The following HSPG2 variants were observed in gnomAD, a reference collection of about 807,000 sequenced individuals.
HSPG2 encodes the protein basement membrane-specific heparan sulfate proteoglycan core protein.
Under a neutral mutation model 526.6 loss-of-function variants are expected in HSPG2, and 278 were observed. That is an observed-to-expected ratio of 0.53 (90% CI 0.48 to 0.58). The LOEUF (loss-of-function observed/expected upper bound fraction) is 0.58. Among genes scored for constraint, HSPG2 ranks in the 20% least tolerant of loss-of-function variants. The probability of loss-of-function intolerance (pLI) is 0.00; values close to 1 mark genes in which losing one functional copy is unlikely to be tolerated. For synonymous variants in HSPG2, 2,465 were observed against 2,555.4 expected, an observed-to-expected ratio of 0.96 and a Z score of 1.07; for missense variants, 5,354 against 6,099.5, an observed-to-expected ratio of 0.88 and a Z score of 4.07.
chr1:21,884,235 A>G (rs1421924981), intron 13 of HSPG2, among the ~76,000 whole-genome samples: 2 of 152,084 alleles, frequency 1.3e-5, no homozygotes, highest in Non-Finnish European at 2.9e-5. Context: ...GGGTAACTTG[A>G]CCCAGGACAC....
In HSPG2 at chr1:21,872,171, T is replaced by C. The variant is rs2152744316; in HGVS notation, c.4221+15A>G. The C allele has an allele frequency of 6.4e-7, 1 of 1,551,540 alleles. No homozygotes were observed. Among genetic ancestry groups the C allele is most frequent in the Non-Finnish European group, 8.7e-7 (1 of 1,146,948 alleles). The stretch of plus-strand genomic sequence containing the variant: ...TCTGAGTCACGGCTGACCCTGGTGC[T>C]TGGCTGGGGCCCACCTTGTCTCCCT... On this transcript the variant is annotated intron_variant, in intron 33 of 96. Transcript: ENST00000374695. This position sits in a 1 kb window ranked among gnomAD's most constrained non-coding sequence, Gnocchi z 5.5.
intron 39 of HSPG2, among the ~76,000 whole-genome samples, chr1:21,861,096 T>G (rs926141211): frequency 1.3e-5 from 2 of 152,216 alleles, no homozygotes; most frequent in African/African-American, 4.8e-5. Context: ...CACAATTACT[T>G]TTTCCCTGTC....
intron 13 of HSPG2, among the ~76,000 whole-genome samples, chr1:21,884,163 A>G (rs1372688257): frequency 6.6e-6 from 1 of 152,010 alleles, no homozygotes; most frequent in Middle Eastern, 3.2e-3. Flanking sequence ...ACCAACCCCT[A>G]GGAGGTAGTT....
intron 25 of HSPG2, 150 bp from the exon 26 acceptor site, chr1:21,875,152 A>T (rs973628098): frequency 1.0e-5 from 7 of 682,270 alleles, no homozygotes; most frequent in African/African-American, 5.3e-5. Context: ...GGCTGCGAGG[A>T]CCGTGGCAAA....
At chr1:21,919,425 C>CA (rs36109631) in intron 1 of HSPG2, among the ~76,000 whole-genome samples, 63,602 of 118,688 alleles carry the variant, frequency 0.54, 16,786 homozygotes, top group Middle Eastern at 0.64. Flanking sequence ...GACCCTGTCT[C>CA]AAAAAAAAAA....
rs753271091 is a variant in HSPG2 at position 21,898,280 on chromosome 1, T to C, written c.64-1970A>G. On this transcript the variant is annotated intron_variant, in intron 1 of 96. Transcript: ENST00000374695. This position sits in a 1 kb window ranked among gnomAD's most constrained non-coding sequence, Gnocchi z 4.0. ...CGGTGCTCTCAGACCTTGGGGAAGG[T>C]CTGAGTTGTCCACATCTTATTCCTG... Among the ~76,000 whole-genome samples the C allele has an allele frequency of 1.1e-4, 17 of 152,060 alleles. No individual in the cohort carries two copies. Among genetic ancestry groups the C allele is most frequent in the Non-Finnish European group, 2.4e-4 (16 of 68,010 alleles).
At position 21,823,347 on chromosome 1, in the gene HSPG2, GCCTGGGC is replaced by G; in HGVS notation, c.13138_13144del (p.Ala4380ProfsTer34). 6.5e-7 allele frequency: 1 copy of G among 1,543,508 alleles called. No homozygotes were observed. Among genetic ancestry groups the G allele is most frequent in the Non-Finnish European group, 8.7e-7 (1 of 1,148,012 alleles). ...GGGGCAGGGGCGTGTGTTGGCCCCG[GCCTGGGC>G]GCGGTGCTGCAGGTCCAGGGGCTGT... On this transcript the variant is annotated frameshift_variant, in exon 97 of 97. Coordinates refer to ENST00000374695, the MANE Select transcript of HSPG2 (RefSeq NM_005529.7). LOFTEE classifies it high-confidence loss of function.
rs773122388 is a variant in HSPG2, at chr1:21,833,305, G to A, written c.11058C>T (p.Phe3686=). 1.1e-5 allele frequency: 17 copies of A among 1,614,004 alleles called. No individual in the cohort carries two copies. In the East Asian group the frequency reaches 2.2e-4, roughly 21 times the overall value. ...LPTIKDAYRK[F]EIKITFRPDS... ...CGGGCCGGAAGGTGATCTTGATCTC[G>A]AACTTCCTGTAGGCATCCTTGATGG... The change falls in exon 80 of 97, where the codon TTC becomes TTT. Residue 3686 remains phenylalanine, a synonymous_variant. Coordinates refer to ENST00000374695, the MANE Select transcript of HSPG2 (RefSeq NM_005529.7).
At chr1:21,856,962 T>C in intron 44 of HSPG2, 53 bp downstream of exon 44, 1 of 1,550,332 alleles carries the variant, frequency 6.5e-7, no homozygotes, top group Non-Finnish European at 8.9e-7. Flanking sequence ...CTAATTCTGG[T>C]GGGAATGGGG....
rs1191872251 is a variant in HSPG2, at chr1:21,855,353, G to C, written c.5948C>G (p.Pro1983Arg). 6.2e-7 allele frequency: 1 copy of C among 1,610,930 alleles called. No homozygotes were observed. The highest frequency in any genetic ancestry group is 1.8e-4 in the Middle Eastern group (1 of 5,644). Residue 1983 changes from proline to arginine, a missense_variant, in exon 47 of 97, where the codon CCT becomes CGT. Physicochemically the swap from Pro to Arg is moderately radical, Grantham distance 103. Coordinates refer to ENST00000374695, the MANE Select transcript of HSPG2 (RefSeq NM_005529.7). ...VRLYCRAAGV[P>R]SATITWRKEG... ...CTTCCTCCAGGTGATGGTGGCGCTA[G>C]GCACGCCTGCAGCCCTGCAGTACAG...
At chr1:21,929,768 T>G (rs1210832890) in intron 1 of HSPG2, among the ~76,000 whole-genome samples, 2 of 152,092 alleles carry the variant, frequency 1.3e-5, no homozygotes, top group Non-Finnish European at 2.9e-5. Context: ...TGTGGAGGCA[T>G]CCCGGACTCT....
chr1:21,840,073 A>C, intron 71 of HSPG2, 56 bp from the exon 72 acceptor site: 1 of 1,479,800 alleles, frequency 6.8e-7, no homozygotes, highest in Admixed American at 1.7e-5. Flanking sequence ...CGCTGATGTC[A>C]GCCCCAGCTC....
intron 1 of HSPG2, chr1:21,908,671 G>T: frequency 1.8e-6 from 1 of 560,402 alleles, no homozygotes. Context: ...TTAAAATAAG[G>T]GTCTCACTGC....
intron 21 of HSPG2, among the ~76,000 whole-genome samples, chr1:21,877,913 T>G (rs1347872683): frequency 6.6e-6 from 1 of 152,238 alleles, no homozygotes; most frequent in Non-Finnish European, 1.5e-5. Flanking sequence ...GGACAAAGTA[T>G]GGCAAAAGCA....
At position 21,833,522 on chromosome 1, in the gene HSPG2, G is replaced by A. The variant is rs1428080216; in HGVS notation, c.10923C>T (p.Cys3641=). The A allele has an allele frequency of 4.3e-6, 7 of 1,614,038 alleles. No individual in the cohort carries two copies. Among genetic ancestry groups the A allele is most frequent in the Admixed American group, 1.7e-5 (1 of 60,008 alleles). ...CCTTGCCCTGGCGGTTAGTGGCGGT[G>A]CAGACGTAGGTACCTGCGTCCTGGG... The part of the protein sequence containing the change: ...VRPQDAGTYV[C]TATNRQGKVK... The change falls in exon 79 of 97, where the codon TGC becomes TGT. Residue 3641 remains cysteine, a synonymous_variant. Coordinates refer to ENST00000374695, the MANE Select transcript of HSPG2 (RefSeq NM_005529.7).
At chr1:21,883,475 G>A (rs556054739) in intron 13 of HSPG2, among the ~76,000 whole-genome samples, 28 of 152,128 alleles carry the variant, frequency 1.8e-4, no homozygotes, top group African/African-American at 6.5e-4. Context: ...AAGCCACCAT[G>A]CCTGGCTAGA....
chr1:21,844,066 G>A (rs1638226889), intron 65 of HSPG2, 82 bp downstream of exon 65: 2 of 1,568,140 alleles, frequency 1.3e-6, no homozygotes, highest in South Asian at 2.2e-5. Flanking sequence ...CAGTTGCTGA[G>A]GCCACTTTCC....
At chr1:21,921,283 G>A (rs1397814797) in intron 1 of HSPG2, among the ~76,000 whole-genome samples, 3 of 152,170 alleles carry the variant, frequency 2.0e-5, no homozygotes, top group Non-Finnish European at 4.4e-5. Context: ...GGACTCCTGT[G>A]CAGGGTCTGA....
In HSPG2 at chr1:21,857,300, G is replaced by A; in HGVS notation, c.5379C>T (p.Cys1793=). 2 of 1,614,112 alleles carry A rather than the reference G, an allele frequency of 1.2e-6. No homozygotes were observed. Residue 1793 remains cysteine (C), a synonymous_variant, in exon 43 of 97, where the codon TGC becomes TGT. Transcript: ENST00000374695. Reference sequence around the variant, plus strand: ...ACCTGCACACCTTGCTTTTGGCTGTGCAGATGAAGGTGACGTCAGCTCCGG... The same window carrying A: ...ACCTGCACACCTTGCTTTTGGCTGTACAGATGAAGGTGACGTCAGCTCCGG... ...VRPGADVTFI[C]TAKSKSPAYT... is the part of the protein sequence containing the mutation.
Sources: gnomAD v4.1 joint callset for allele counts (sites outside exome capture counted in the v4.1 genomes callset) on GRCh38, gnomAD v4.1.1 for gene constraint, Gnocchi (gnomAD v3.1) non-coding constraint, MANE v1.5 for transcripts, NCBI Gene and HGNC (gene_info 2026-07-23, HGNC 2026-07-21) for gene names.